Variants in ASCC2 observed in about 807,000 individuals in gnomAD.
ASCC2 encodes the protein ASC-1 complex subunit P100.
Under a neutral mutation model 93.5 loss-of-function variants are expected in ASCC2, and 42 were observed. The observed-to-expected ratio is 0.45, with a 90% CI of 0.35 to 0.58. The LOEUF (loss-of-function observed/expected upper bound fraction) is 0.58. Ranked by LOEUF, ASCC2 falls within the 20% of genes least tolerant of loss-of-function variation. The pLI, the probability that ASCC2 is intolerant of heterozygous loss-of-function variation, is 0.00. For missense variants in ASCC2, 859 were observed against 977.6 expected (o/e 0.88, Z 1.62); for synonymous variants, 364 against 384.2 (o/e 0.95, Z 0.62).
At chr22:29,816,947 C>T (rs249395) in intron 5 of ASCC2, among the ~76,000 whole-genome samples, 151,829 of 152,322 alleles carry the variant, frequency 1, 75,669 homozygotes, top group Middle Eastern at 1. Flanking sequence ...GGTCAGGATG[C>T]TCTGAATTCT....
At chr22:29,807,699 T>A (rs953808961) in intron 9 of ASCC2, among the ~76,000 whole-genome samples, 1 of 151,648 alleles carries the variant, frequency 6.6e-6, no homozygotes, top group African/African-American at 2.4e-5. Flanking sequence ...TAAAAAAAAA[T>A]GCAGTTCAAG....
chr22:29,831,862 T>C (rs1602279378), intron 2 of ASCC2, among the ~76,000 whole-genome samples: 2 of 152,310 alleles, frequency 1.3e-5, no homozygotes, highest in African/African-American at 4.8e-5. Context: ...AAAATACGGA[T>C]AGCAGCTTAG....
rs769432084 is a variant in ASCC2, at chr22:29,814,696, C to A, written c.681G>T (p.Glu227Asp). 1.0e-5 allele frequency: 16 copies of A among 1,607,362 alleles called. No homozygotes were observed. Among genetic ancestry groups the A allele is most frequent in the Non-Finnish European group, 1.2e-5 (14 of 1,177,392 alleles). ...CACTGGGGGTCAATCGGCCCCTCTC[C>A]TCAAGCTTCTGGGGTGTGGTATTGG... ...DGANTTPQKL[E>D]ERGRLTPSDM... is the part of the protein sequence containing the mutation. The change falls in exon 7 of 20, where the codon GAG (glutamate) becomes GAT (aspartate). Residue 227 changes from glutamate (E) to aspartate (D), a missense_variant. By Grantham distance (45) the Glu-to-Asp change is conservative. Transcript: ENST00000307790.
Position 29,825,901 on chromosome 22 carries a change from A to T in ASCC2, c.82-121T>A. ...CCGGTGACCCTCCAAGGAGCTTTTAAGCATAAAGAACCAAGTGTATCTAAC... is the reference window on the plus strand; with the variant it reads ...CCGGTGACCCTCCAAGGAGCTTTTATGCATAAAGAACCAAGTGTATCTAAC... On this transcript the variant is annotated intron_variant, in intron 2 of 19. Coordinates refer to ENST00000307790, the MANE Select transcript of ASCC2 (RefSeq NM_032204.5). This position sits in a 1 kb window ranked among gnomAD's most constrained non-coding sequence, Gnocchi z 4.9. 8.4e-7 allele frequency: 1 copy of T among 1,186,966 alleles called. No homozygotes were observed. The highest frequency in any genetic ancestry group is 1.2e-6 in the Non-Finnish European group (1 of 838,160). 73.5% of individuals were successfully genotyped at this position (1,186,966 alleles called of 1,614,324 possible).
At chr22:29,804,954 G>A in intron 12 of ASCC2, 124 bp from the exon 13 acceptor site, 2 of 1,030,384 alleles carry the variant, frequency 1.9e-6, no homozygotes, top group South Asian at 3.0e-5. Flanking sequence ...ATATCTAAGT[G>A]GTATAGCCCA....
At position 29,793,359 on chromosome 22, in the gene ASCC2, C is replaced by T. The variant is rs142291001; in HGVS notation, c.1919+1G>A. On this transcript the variant is annotated splice_donor_variant, in intron 17 of 19. Coordinates refer to ENST00000307790, the MANE Select transcript of ASCC2 (RefSeq NM_032204.5). LOFTEE classifies it high-confidence loss of function. ...GAACGCCACCCCCACTATGGCCTCA[C>T]CTGCGGCTGATGAGCTCGTCATCAG... 19 of 1,613,248 alleles carry T rather than the reference C, an allele frequency of 1.2e-5. No homozygotes were observed. The highest frequency in any genetic ancestry group is 2.7e-5 in the African/African-American group (2 of 74,912).
intron 2 of ASCC2, among the ~76,000 whole-genome samples, chr22:29,828,736 A>C (rs1448204311): frequency 6.6e-6 from 1 of 152,172 alleles, no homozygotes; most frequent in East Asian, 1.9e-4. Context: ...AGTGGTTTGG[A>C]TGGGGAAAGG....
chr22:29,831,437 GT>G (rs1205563319), intron 2 of ASCC2, among the ~76,000 whole-genome samples: 2 of 152,192 alleles, frequency 1.3e-5, no homozygotes, highest in East Asian at 3.8e-4. Flanking sequence ...CGGGTGAAGT[GT>G]TTAGAATGAT....
chr22:29,798,350 A>G (rs1183737296), intron 15 of ASCC2, among the ~76,000 whole-genome samples: 1 of 152,122 alleles, frequency 6.6e-6, no homozygotes, highest in African/African-American at 2.4e-5. Flanking sequence ...ACTTCTGGGA[A>G]AGGTATCCTA....
At chr22:29,819,507 A>C (rs1213116907) in intron 5 of ASCC2, among the ~76,000 whole-genome samples, 1 of 152,156 alleles carries the variant, frequency 6.6e-6, no homozygotes, top group African/African-American at 2.4e-5. Flanking sequence ...GGGTAGGTAT[A>C]TTATTAGTCT....
At chr22:29,816,252 C>T (rs1290153367) in intron 5 of ASCC2, among the ~76,000 whole-genome samples, 179 bp from the exon 6 acceptor site, 1 of 152,144 alleles carries the variant, frequency 6.6e-6, no homozygotes, top group Non-Finnish European at 1.5e-5. Context: ...GAGCTTTGGC[C>T]CAGCCTAGAA....
Position 29,793,384 on chromosome 22 carries a change from G to A in ASCC2, c.1895C>T (p.Ser632Phe), listed in dbSNP as rs766413012. The change falls in exon 17 of 20, where the codon TCT becomes TTT. Residue 632 changes from serine to phenylalanine, a missense_variant. Physicochemically the swap from Ser to Phe is radical, Grantham distance 155. Coordinates refer to ENST00000307790, the MANE Select transcript of ASCC2 (RefSeq NM_032204.5). ...CCTGCGGCTGATGAGCTCGTCATCA[G>A]AGTCTGCATCATTGGCGCCCACCTG... ...GNQVGANDADSDDELISRRPF... is the reference protein window; with the variant it reads ...GNQVGANDADFDDELISRRPF... 1.9e-6 allele frequency: 3 copies of A among 1,613,770 alleles called. No individual in the cohort carries two copies. The highest frequency in any genetic ancestry group is 2.5e-6 in the Non-Finnish European group (3 of 1,180,018).
At chr22:29,827,691 T>C (rs1349985647) in intron 2 of ASCC2, 12 of 451,328 alleles carry the variant, frequency 2.7e-5, no homozygotes, top group Non-Finnish European at 4.6e-5. Context: ...GCTTCCTCCC[T>C]CTTCTATCTG....
chr22:29,828,451 A>G (rs2062726468), intron 2 of ASCC2, among the ~76,000 whole-genome samples: 1 of 152,170 alleles, frequency 6.6e-6, no homozygotes. Flanking sequence ...AAGTTTCAGG[A>G]ACTTTCCCAA....
chr22:29,794,608 A>T (rs958990685), intron 15 of ASCC2, among the ~76,000 whole-genome samples: 5 of 152,172 alleles, frequency 3.3e-5, no homozygotes, highest in Non-Finnish European at 7.3e-5. Flanking sequence ...CTGATTAGGG[A>T]TTTTCTTTTC....
rs542748986 is a variant in ASCC2 at position 29,838,165 on chromosome 22, G to A, written c.-18+13C>T. On this transcript the variant is annotated intron_variant, in intron 1 of 19. Coordinates refer to ENST00000307790, the MANE Select transcript of ASCC2 (RefSeq NM_032204.5). ...CTTGCCCTGCATCTGGCAGGGACCA[G>A]CCACGCACTCACCTCGGCGGCTCCA... 1.7e-5 allele frequency: 8 copies of A among 463,486 alleles called. No individual in the cohort carries two copies. In the East Asian group the frequency reaches 4.0e-4, roughly 23 times the overall value. 28.7% of individuals were successfully genotyped at this position (463,486 alleles called of 1,614,324 possible).
At position 29,790,495 on chromosome 22, in the gene ASCC2, C is replaced by T. The variant is rs753019315; in HGVS notation, c.2076G>A (p.Arg692=). The change falls in exon 19 of 20, where the codon AGG becomes AGA. Residue 692 remains arginine (R), a synonymous_variant. Transcript: ENST00000307790. ...PAVLREKAEA[R]RMAFLAKKGY... is the part of the protein sequence containing the mutation. ...CTTTCTTGGCGAGAAAGGCCATGCGCCTGGCTTCTGCCTTCTCTCTCAGCA... is the reference window on the plus strand; with the variant it reads ...CTTTCTTGGCGAGAAAGGCCATGCGTCTGGCTTCTGCCTTCTCTCTCAGCA... 8.7e-6 allele frequency: 14 copies of T among 1,614,130 alleles called. No individual in the cohort carries two copies. In the South Asian group the frequency reaches 1.4e-4, roughly 16 times the overall value.
intron 12 of ASCC2, 31 bp from the exon 13 acceptor site, chr22:29,804,861 A>T (rs1297512054): frequency 6.2e-7 from 1 of 1,600,990 alleles, no homozygotes; most frequent in Non-Finnish European, 8.5e-7. Context: ...GTCTGTCTTA[A>T]GCTCCTAGCT....
rs556176313 is a variant in ASCC2 at position 29,822,313 on chromosome 22, C to A, written c.541+22G>T. 3 of 1,613,262 alleles carry A rather than the reference C, an allele frequency of 1.9e-6. No homozygotes were observed. The East Asian group carries it at 6.7e-5, about 36-fold the overall frequency. On this transcript the variant is annotated intron_variant, in intron 5 of 19. Coordinates refer to ENST00000307790, the MANE Select transcript of ASCC2 (RefSeq NM_032204.5). ...TGTGGGGGCCATCTTGGTGCATCCT[C>A]CCAGTCCTGCATCCTACACACCTAT...
Sources: gnomAD v4.1 joint callset for allele counts (sites outside exome capture counted in the v4.1 genomes callset) on GRCh38, gnomAD v4.1.1 for gene constraint, Gnocchi (gnomAD v3.1) non-coding constraint, MANE v1.5 for transcripts, NCBI Gene and HGNC (gene_info 2026-07-23, HGNC 2026-07-21) for gene names.